The following TNFAIP2 variants were observed in gnomAD, a reference collection of about 807,000 sequenced individuals.
TNFAIP2 encodes the protein tumor necrosis factor alpha-induced protein 2.
A neutral mutation model predicts 63.5 loss-of-function variants in TNFAIP2; 47 were observed. The observed-to-expected ratio is 0.74, with a 90% CI of 0.59 to 0.94. The LOEUF (loss-of-function observed/expected upper bound fraction) is 0.94. TNFAIP2 is among the 40% of genes least tolerant of loss of function. The probability of loss-of-function intolerance (pLI) is 0.00; values close to 1 mark genes in which losing one functional copy is unlikely to be tolerated. For synonymous variants in TNFAIP2, 405 were observed against 390.2 expected (o/e 1.04, Z -0.45); for missense variants, 787 against 850.2 (o/e 0.93, Z 0.92).
In TNFAIP2 at chr14:103,127,684, G is replaced by C; in HGVS notation, c.860+55G>C. 7.1e-7 allele frequency: 1 copy of C among 1,399,180 alleles called. No individual in the cohort carries two copies. Among genetic ancestry groups the C allele is most frequent in the Non-Finnish European group, 9.3e-7 (1 of 1,073,906 alleles). 86.7% of individuals were successfully genotyped at this position (1,399,180 alleles called of 1,614,324 possible). A position where few individuals can be genotyped will look rare whatever the true frequency, so the allele number is the denominator to read the frequency against. ...GGCAGGGAGGGTGTCCTCTGTAGGAGGGGTGTCGAGGGGTGTCGAGGTGTG... is the reference window on the plus strand; with the variant it reads ...GGCAGGGAGGGTGTCCTCTGTAGGACGGGTGTCGAGGGGTGTCGAGGTGTG... On this transcript the variant is annotated intron_variant, in intron 3 of 11. Coordinates refer to ENST00000560869, the MANE Select transcript of TNFAIP2 (RefSeq NM_006291.4). The surrounding 1 kb of genome is among the most constrained non-coding windows in gnomAD (Gnocchi z 5.1).
At chr14:103,132,667 CTGTGTCTG>C (rs1174684594) in intron 8 of TNFAIP2, 75 bp from the exon 9 acceptor site, 1 of 1,509,644 alleles carries the variant, frequency 6.6e-7, no homozygotes, top group East Asian at 2.4e-5. Flanking sequence ...CGGTGTGTGT[CTGTGTCTG>C]CGTGTCTGCG....
In TNFAIP2 at chr14:103,136,023, C is replaced by G; in HGVS notation, c.*663C>G. The G allele has an allele frequency of 7.8e-7, 1 of 1,281,556 alleles. No homozygotes were observed. Among genetic ancestry groups the G allele is most frequent in the Non-Finnish European group, 1.0e-6 (1 of 985,596 alleles). The allele number at this position is 1,281,556 out of a possible 1,614,324, so 79.4% of individuals were successfully genotyped here. On this transcript the variant is annotated 3_prime_UTR_variant, in exon 12 of 12. Coordinates refer to ENST00000560869, the MANE Select transcript of TNFAIP2 (RefSeq NM_006291.4). ...CCCTGAGCCCTCCCTCTTCATCCCCCAAGGCCTCAACTAGAGGGTGGTCCC... is the reference window on the plus strand; with the variant it reads ...CCCTGAGCCCTCCCTCTTCATCCCCGAAGGCCTCAACTAGAGGGTGGTCCC...
At position 103,130,938 on chromosome 14, in the gene TNFAIP2, TG is replaced by T. The variant is rs1180604563; in HGVS notation, c.1200-111del. The T allele has an allele frequency of 4.6e-6, 5 of 1,084,618 alleles. No homozygotes were observed. The East Asian group carries it at 9.9e-5, about 21-fold the overall frequency. 67.2% of individuals were successfully genotyped at this position (1,084,618 alleles called of 1,614,324 possible). A position where few individuals can be genotyped will look rare whatever the true frequency, so the allele number is the denominator to read the frequency against. On this transcript the variant is annotated intron_variant, in intron 6 of 11. Coordinates refer to ENST00000560869, the MANE Select transcript of TNFAIP2 (RefSeq NM_006291.4). ...GGGCTAGCGGCCCCTCCCTTGGCTA[TG>T]GGCAGCCAAACAGAAAAGTGAACCC...
Position 103,127,556 on chromosome 14 carries a change from G to T in TNFAIP2, c.787G>T (p.Ala263Ser), listed in dbSNP as rs1250441656. ...YHQHFAAHLA[A>S]VAQFELCERD... ...CCAGCACTTCGCGGCCCACCTGGCCGCCGTGGCGCAGTTCGAGCTGTGCGA... is the reference window on the plus strand; with the variant it reads ...CCAGCACTTCGCGGCCCACCTGGCCTCCGTGGCGCAGTTCGAGCTGTGCGA... Residue 263 changes from alanine (A) to serine (S), a missense_variant, in exon 3 of 12, where the codon GCC becomes TCC. Ala to Ser is a moderately conservative substitution (Grantham distance 99, BLOSUM62 1). Coordinates refer to ENST00000560869, the MANE Select transcript of TNFAIP2 (RefSeq NM_006291.4). This position sits in a 1 kb window ranked among gnomAD's most constrained non-coding sequence, Gnocchi z 5.1. The T allele has an allele frequency of 1.3e-6, 2 of 1,583,068 alleles. No homozygotes were observed. Among genetic ancestry groups the T allele is most frequent in the Non-Finnish European group, 1.7e-6 (2 of 1,171,498 alleles).
chr14:103,123,073 T>TC, upstream of TNFAIP2: 1 of 259,816 alleles, frequency 3.8e-6, no homozygotes, highest in Admixed American at 4.8e-5. Flanking sequence ...GGACGGGCTC[T>TC]CCCGCAGCTG....
At chr14:103,128,738 CG>C (rs955473187) in intron 3 of TNFAIP2, among the ~76,000 whole-genome samples, 1 of 152,240 alleles carries the variant, frequency 6.6e-6, no homozygotes, top group Non-Finnish European at 1.5e-5. Flanking sequence ...GCAGGGGCCA[CG>C]GGAGAGATAA....
Position 103,131,699 on chromosome 14 carries a change from C to T in TNFAIP2, c.1359C>T (p.Pro453=). Residue 453 remains proline (P), a synonymous_variant, in exon 8 of 12, where the codon CCC becomes CCT. Coordinates refer to ENST00000560869, the MANE Select transcript of TNFAIP2 (RefSeq NM_006291.4). This position sits in a 1 kb window ranked among gnomAD's most constrained non-coding sequence, Gnocchi z 4.0. ...ACACCCTGAGCCTCCTGCTGGGCCCCCTGGGTGAGCTCAAGAGCCACGGCT... is the reference window on the plus strand; with the variant it reads ...ACACCCTGAGCCTCCTGCTGGGCCCTCTGGGTGAGCTCAAGAGCCACGGCT... ...PQDTLSLLLG[P]LGELKSHGFD... is the part of the protein sequence containing the mutation. 1 of 1,610,134 alleles carries T rather than the reference C, an allele frequency of 6.2e-7. No individual in the cohort carries two copies. The highest frequency in any genetic ancestry group is 1.3e-5 in the African/African-American group (1 of 75,006).
At chr14:103,130,524 G>T in intron 6 of TNFAIP2, 109 bp downstream of exon 6, 1 of 1,032,752 alleles carries the variant, frequency 9.7e-7, no homozygotes, top group Non-Finnish European at 1.4e-6. Context: ...CTCTACCCCT[G>T]TCCCTGTCAT....
chr14:103,129,505 G>C (rs1418437522), intron 3 of TNFAIP2, among the ~76,000 whole-genome samples: 1 of 10,082 alleles, frequency 9.9e-5, no homozygotes, highest in Non-Finnish European at 2.2e-4. Context: ...AGGACCTAAT[G>C]GGGGGGGGGT....
In TNFAIP2 at chr14:103,130,391, TGGAGCTGCCTGC is replaced by T; in HGVS notation, c.1177_1188del (p.Glu393_Ala396del). 1 of 1,566,190 alleles carries T rather than the reference TGGAGCTGCCTGC, an allele frequency of 6.4e-7. No individual in the cohort carries two copies. The highest frequency in any genetic ancestry group is 8.7e-7 in the Non-Finnish European group (1 of 1,155,176). Reference sequence around the variant, plus strand: ...TCACAGATAAAGCGGGTGCTGCTGGTGGAGCTGCCTGCGTTCCTGAGGAGGTGGGTGTGTGCC... The same window carrying T: ...TCACAGATAAAGCGGGTGCTGCTGGTGTTCCTGAGGAGGTGGGTGTGTGCC... On this transcript the variant is annotated inframe_deletion, in exon 6 of 12. Coordinates refer to ENST00000560869, the MANE Select transcript of TNFAIP2 (RefSeq NM_006291.4).
rs530883212 is a variant in TNFAIP2 at position 103,127,519 on chromosome 14, C to G, written c.750C>G (p.Ala250=). The G allele has an allele frequency of 1.9e-6, 3 of 1,589,544 alleles. No individual in the cohort carries two copies. The highest frequency in any genetic ancestry group is 1.3e-5 in the African/African-American group (1 of 74,830). The part of the protein sequence containing the change: ...PAEFGVVAAY[A]ESYHQHFAAH... ...AGTTCGGCGTCGTGGCGGCCTACGC[C>G]GAGAGCTACCACCAGCACTTCGCGG... Residue 250 remains alanine (A), a synonymous_variant, in exon 3 of 12, where the codon GCC becomes GCG. Transcript: ENST00000560869. The surrounding 1 kb of genome is among the most constrained non-coding windows in gnomAD (Gnocchi z 5.1).
chr14:103,130,224 G>A lies in TNFAIP2; in HGVS notation c.1099-91G>A. On this transcript the variant is annotated intron_variant, in intron 5 of 11. Transcript: ENST00000560869. The stretch of plus-strand genomic sequence containing the variant: ...TGTGCATACCCATGCCCACCTCGGG[G>A]CACCCCCTCTGTTCCCGCCTGTTTC... The A allele has an allele frequency of 3.9e-6, 6 of 1,534,688 alleles. No homozygotes were observed. In the South Asian group the frequency reaches 6.1e-5, roughly 16 times the overall value.
upstream of TNFAIP2, chr14:103,122,899 G>A (rs1338712025): frequency 4.4e-6 from 2 of 450,890 alleles, no homozygotes; most frequent in East Asian, 7.0e-5. Context: ...CTTGACGACC[G>A]GAGGGGCTCA....
chr14:103,126,657 G>A lies in TNFAIP2; in HGVS notation c.200G>A (p.Gly67Glu), dbSNP rs1039691621. The A allele has an allele frequency of 1.9e-6, 3 of 1,556,250 alleles. No individual in the cohort carries two copies. The highest frequency in any genetic ancestry group is 2.4e-5 in the East Asian group (1 of 42,128). The change falls in exon 2 of 12, where the codon GGG becomes GAG. Residue 67 changes from glycine to glutamate, a missense_variant. By Grantham distance (98) the Gly-to-Glu change is moderately conservative. Coordinates refer to ENST00000560869, the MANE Select transcript of TNFAIP2 (RefSeq NM_006291.4). ...PSSAEPEDAA[G>E]SRQGLDGPPP... Reference sequence around the variant, plus strand: ...TCAGCGGAGCCCGAGGACGCAGCCGGGTCCAGGCAGGGGCTGGATGGCCCG... The same window carrying A: ...TCAGCGGAGCCCGAGGACGCAGCCGAGTCCAGGCAGGGGCTGGATGGCCCG...
In TNFAIP2 at chr14:103,132,869, G is replaced by A. The variant is rs1466976666; in HGVS notation, c.1542G>A (p.Arg514=). ...PEFSELQGCF[R]EELMEALHLH... ...TCTCAGAGCTGCAGGGCTGTTTCCG[G>A]GAGGTGAGGAGGCTCTGGGCTGGTG... The change falls in exon 9 of 12, where the codon CGG becomes CGA. Residue 514 remains arginine, a synonymous_variant. Transcript: ENST00000560869. The A allele has an allele frequency of 3.1e-6, 5 of 1,613,744 alleles. No individual in the cohort carries two copies. The highest frequency in any genetic ancestry group is 4.2e-6 in the Non-Finnish European group (5 of 1,179,872).
At chr14:103,133,216 G>A (rs373613532) in intron 9 of TNFAIP2, 146 bp from the exon 10 acceptor site, 221 of 1,031,680 alleles carry the variant, frequency 2.1e-4, no homozygotes, top group African/African-American at 1.2e-3. Context: ...GCATGTGAAC[G>A]CACACATGTG....
rs895985268 is a variant in TNFAIP2, at chr14:103,135,817, C to T, written c.*457C>T. The T allele has an allele frequency of 2.6e-5, 33 of 1,293,196 alleles. No individual in the cohort carries two copies. The highest frequency in any genetic ancestry group is 1.1e-4 in the African/African-American group (7 of 66,028). The allele number at this position is 1,293,196 out of a possible 1,614,324, so 80.1% of individuals were successfully genotyped here. A position where few individuals can be genotyped will look rare whatever the true frequency, so the allele number is the denominator to read the frequency against. On this transcript the variant is annotated 3_prime_UTR_variant, in exon 12 of 12. Coordinates refer to ENST00000560869, the MANE Select transcript of TNFAIP2 (RefSeq NM_006291.4). The surrounding 1 kb of genome is among the most constrained non-coding windows in gnomAD (Gnocchi z 7.6). The stretch of plus-strand genomic sequence containing the variant: ...CCATCTGCCCTCTGCAGCCCAGGGC[C>T]GCCGTGAGCGGGATTCAGCAATGGT...
At chr14:103,132,382 C>T (rs963997128) in intron 8 of TNFAIP2, among the ~76,000 whole-genome samples, 1 of 152,168 alleles carries the variant, frequency 6.6e-6, no homozygotes, top group Non-Finnish European at 1.5e-5. Flanking sequence ...GTGGTGGAAG[C>T]CCGAGCGGTG....
rs1382314618 is a variant in TNFAIP2, at chr14:103,126,478, G to A, written c.21G>A (p.Glu7=). Residue 7 remains glutamate (E), a synonymous_variant, in exon 2 of 12, where the codon GAG becomes GAA. Transcript: ENST00000560869. MSEASS[E]DLVPPLEAGA... ...CCTCCATGTCGGAGGCCTCCTCTGAGGACCTGGTGCCACCCCTGGAGGCTG... is the reference window on the plus strand; with the variant it reads ...CCTCCATGTCGGAGGCCTCCTCTGAAGACCTGGTGCCACCCCTGGAGGCTG... 2 of 1,597,424 alleles carry A rather than the reference G, an allele frequency of 1.3e-6. No homozygotes were observed. The highest frequency in any genetic ancestry group is 2.3e-5 in the South Asian group (2 of 88,606).
Sources: gnomAD v4.1 joint callset for allele counts (sites outside exome capture counted in the v4.1 genomes callset) on GRCh38, gnomAD v4.1.1 for gene constraint, Gnocchi (gnomAD v3.1) non-coding constraint, MANE v1.5 for transcripts, NCBI Gene and HGNC (gene_info 2026-07-23, HGNC 2026-07-21) for gene names.